Variants in TBC1D16 observed in about 807,000 individuals in gnomAD.
TBC1D16 encodes the protein CTD-2529O21.1.
Under a neutral mutation model 74.7 loss-of-function variants are expected in TBC1D16, and 58 were observed. The observed-to-expected ratio is 0.78, with a 90% CI of 0.63 to 0.97. TBC1D16 has a LOEUF of 0.97. Ranked by LOEUF, TBC1D16 falls within the 50% of genes least tolerant of loss-of-function variation. The pLI is 0.00. For synonymous variants in TBC1D16, 493 were observed against 474.7 expected (o/e 1.04, Z -0.50); for missense variants, 1,014 against 1,079.5 (o/e 0.94, Z 0.85).
intron 3 of TBC1D16, chr17:79,992,987 C>T (rs971219862): frequency 1.3e-5 from 2 of 152,380 alleles, no homozygotes; most frequent in Non-Finnish European, 2.9e-5. Flanking sequence ...AAGGGTGAGA[C>T]GGTACAGTAC....
chr17:79,966,097 C>T (rs7219375), intron 3 of TBC1D16, among the ~76,000 whole-genome samples: 100,699 of 151,992 alleles, frequency 0.66, 34,220 homozygotes, highest in African/African-American at 0.82. Flanking sequence ...CCTTTGAGTC[C>T]CCCCAGCTTC....
chr17:79,945,664 C>T (rs778826245), intron 9 of TBC1D16, among the ~76,000 whole-genome samples: 7 of 152,230 alleles, frequency 4.6e-5, no homozygotes, highest in Admixed American at 6.5e-5. Context: ...TCATCAATGC[C>T]GCTGGAAAAT....
At chr17:80,017,821 T>G (rs982438827) in intron 1 of TBC1D16, among the ~76,000 whole-genome samples, 1 of 152,124 alleles carries the variant, frequency 6.6e-6, no homozygotes, top group African/African-American at 2.4e-5. Context: ...AGGGGATTCT[T>G]CTCCACCTAT....
intron 1 of TBC1D16, among the ~76,000 whole-genome samples, chr17:80,034,260 T>C (rs969755782): frequency 6.9e-6 from 1 of 143,992 alleles, no homozygotes; most frequent in Non-Finnish European, 1.5e-5. Context: ...GGGGTGCAGT[T>C]GCACATCTTG....
chr17:80,030,753 A>ACAGGCAGGGGCAGAGGCAGAGG (rs1413474940), intron 1 of TBC1D16, among the ~76,000 whole-genome samples: 3 of 152,132 alleles, frequency 2.0e-5, no homozygotes, highest in African/African-American at 7.2e-5. Flanking sequence ...CCCACTAGTG[A>ACAGGCAGGGGCAGAGGCAGAGG]CAGGCAGGGG....
chr17:79,971,821 G>A lies in TBC1D16; in HGVS notation c.780-19003C>T, dbSNP rs375539704. Among the ~76,000 whole-genome samples, 9 of 152,204 alleles carry A rather than the reference G, an allele frequency of 5.9e-5. No individual in the cohort carries two copies. Among genetic ancestry groups the A allele is most frequent in the South Asian group, 2.1e-4 (1 of 4,816 alleles). On this transcript the variant is annotated intron_variant, in intron 3 of 11. Transcript: ENST00000310924. The surrounding 1 kb of genome is among the most constrained non-coding windows in gnomAD (Gnocchi z 4.6). The stretch of plus-strand genomic sequence containing the variant: ...GAGGTGTCAGACAGGAGCATCCCAC[G>A]GGGTAGGGATGGGGGCTCTGGAAGG...
In TBC1D16 at chr17:79,954,069, A is replaced by G. The variant is rs1407938352; in HGVS notation, c.780-1251T>C. Among the ~76,000 whole-genome samples, 1 of 151,994 alleles carries G rather than the reference A, an allele frequency of 6.6e-6. No individual in the cohort carries two copies. The highest frequency in any genetic ancestry group is 1.5e-5 in the Non-Finnish European group (1 of 67,996). The stretch of plus-strand genomic sequence containing the variant: ...ACAGGCGTGAGCCATCGCGCCTGAC[A>G]CTCTCTTGAGATTTAATGTCTAGCA... On this transcript the variant is annotated intron_variant, in intron 3 of 11. Coordinates refer to ENST00000310924, the MANE Select transcript of TBC1D16 (RefSeq NM_019020.4). This position sits in a 1 kb window ranked among gnomAD's most constrained non-coding sequence, Gnocchi z 5.5.
chr17:79,947,916 C>G, intron 8 of TBC1D16, 85 bp from the exon 9 acceptor site: 2 of 1,152,624 alleles, frequency 1.7e-6, no homozygotes. Context: ...GGCCGTGGAC[C>G]CTGCCTTCCC....
In TBC1D16 at chr17:79,975,133, C is replaced by T. The variant is rs1435609661; in HGVS notation, c.780-22315G>A. On this transcript the variant is annotated intron_variant, in intron 3 of 11. Coordinates refer to ENST00000310924, the MANE Select transcript of TBC1D16 (RefSeq NM_019020.4). This position sits in a 1 kb window ranked among gnomAD's most constrained non-coding sequence, Gnocchi z 4.5. ...AAACACCCGGAACAATCCGCCAGGC[C>T]GCGTCACTCCTCACCCTCCAGCAGG... 6.6e-6 allele frequency among the ~76,000 whole-genome samples: 1 copy of T among 152,254 alleles called. No homozygotes were observed. The highest frequency in any genetic ancestry group is 2.4e-5 in the African/African-American group (1 of 41,464).
At chr17:80,018,730 A>G (rs559327509) in intron 1 of TBC1D16, among the ~76,000 whole-genome samples, 12 of 149,068 alleles carry the variant, frequency 8.1e-5, no homozygotes, top group Non-Finnish European at 1.3e-4. Context: ...TCTCCCAAAT[A>G]GCCTGGACTA....
At chr17:79,951,343 C>A in intron 5 of TBC1D16, 107 bp downstream of exon 5, 1 of 1,385,514 alleles carries the variant, frequency 7.2e-7, no homozygotes, top group South Asian at 1.4e-5. Context: ...ACCCCGTAAG[C>A]CCCCGGGGCC....
rs149141506 is a variant in TBC1D16 at position 79,940,944 on chromosome 17, G to A, written c.2219C>T (p.Thr740Met). 6.1e-5 allele frequency: 98 copies of A among 1,598,736 alleles called. No individual in the cohort carries two copies. The African/African-American group carries it at 1.1e-3, about 18-fold the overall frequency. The change falls in exon 12 of 12, where the codon ACG becomes ATG. Residue 740 changes from threonine (T) to methionine (M), a missense_variant. By Grantham distance (81) the Thr-to-Met change is moderately conservative. Coordinates refer to ENST00000310924, the MANE Select transcript of TBC1D16 (RefSeq NM_019020.4). This position sits in a 1 kb window ranked among gnomAD's most constrained non-coding sequence, Gnocchi z 5.4. ...GGACTTGGGGGAAGGCATCTCCACC[G>A]TGCCCCCGTAGGGACAGCTCTCCGA... is the stretch of plus-strand genomic sequence containing the variant. ...PGSESCPYGGTVEMPSPKSLR... is the reference protein window; with the variant it reads ...PGSESCPYGGMVEMPSPKSLR...
In TBC1D16 at chr17:79,950,011, G is replaced by T; in HGVS notation, c.1258-146C>A. On this transcript the variant is annotated intron_variant, in intron 6 of 11. Coordinates refer to ENST00000310924, the MANE Select transcript of TBC1D16 (RefSeq NM_019020.4). This position sits in a 1 kb window ranked among gnomAD's most constrained non-coding sequence, Gnocchi z 4.6. ...TGCACATATTTACAAGGGGAAAGCA[G>T]TGGCCTTCAATTCCCATACAGGACA... The T allele has an allele frequency of 9.2e-7, 1 of 1,085,814 alleles. No individual in the cohort carries two copies. The highest frequency in any genetic ancestry group is 1.3e-6 in the Non-Finnish European group (1 of 770,246). The allele number at this position is 1,085,814 out of a possible 1,614,324, so 67.3% of individuals were successfully genotyped here. A position where few individuals can be genotyped will look rare whatever the true frequency, so the allele number is the denominator to read the frequency against.
At chr17:80,024,858 GATAC>G (rs1301919047) in intron 1 of TBC1D16, among the ~76,000 whole-genome samples, 2 of 130,658 alleles carry the variant, frequency 1.5e-5, no homozygotes, top group East Asian at 5.0e-4. Flanking sequence ...ACACACCACA[GATAC>G]ATACATCACA....
At chr17:79,942,683 C>T (rs969814588) in intron 10 of TBC1D16, among the ~76,000 whole-genome samples, 5 of 152,200 alleles carry the variant, frequency 3.3e-5, no homozygotes, top group African/African-American at 7.2e-5. Flanking sequence ...CAGCCACCCA[C>T]GGGTCAGCCT....
chr17:80,017,314 A>C (rs1050064413), intron 1 of TBC1D16, among the ~76,000 whole-genome samples: 10 of 152,118 alleles, frequency 6.6e-5, no homozygotes, highest in African/African-American at 2.4e-4. Context: ...ACTGACAGAC[A>C]CTCAAGCTTA....
intron 3 of TBC1D16, among the ~76,000 whole-genome samples, chr17:80,002,838 G>T (rs2035541609): frequency 6.6e-6 from 1 of 152,252 alleles, no homozygotes; most frequent in Non-Finnish European, 1.5e-5. Flanking sequence ...TGCACTGCAG[G>T]ACGCTCTGCT....
At chr17:79,998,452 C>A in intron 3 of TBC1D16, among the ~76,000 whole-genome samples, 1 of 151,658 alleles carries the variant, frequency 6.6e-6, no homozygotes, top group Non-Finnish European at 1.5e-5. Flanking sequence ...CTCAGCCCCC[C>A]AAGTAGCTGG....
At position 80,013,746 on chromosome 17, in the gene TBC1D16, G is replaced by A. The variant is rs1016500784; in HGVS notation, c.-62-137C>T. 1.6e-5 allele frequency: 8 copies of A among 499,946 alleles called. No homozygotes were observed. In the Admixed American group the frequency reaches 2.7e-4, roughly 17 times the overall value. 31.0% of individuals were successfully genotyped at this position (499,946 alleles called of 1,614,324 possible). ...CCTGCTGGTGAACAGCTCTGTACAG[G>A]GTAGGCCACGTTCTCCATCTTGGCC... On this transcript the variant is annotated intron_variant, in intron 1 of 11. Transcript: ENST00000310924.
Sources: gnomAD v4.1 joint callset for allele counts (sites outside exome capture counted in the v4.1 genomes callset) on GRCh38, gnomAD v4.1.1 for gene constraint, Gnocchi (gnomAD v3.1) non-coding constraint, MANE v1.5 for transcripts, NCBI Gene and HGNC (gene_info 2026-07-23, HGNC 2026-07-21) for gene names.